The following CSMD1 variants were observed in gnomAD, a reference collection of about 807,000 sequenced individuals.
The protein encoded by CSMD1 is CUB and Sushi multiple domains 1.
A neutral mutation model predicts 417.5 loss-of-function variants in CSMD1; 213 were observed. That is an observed-to-expected ratio of 0.51 (90% CI 0.46 to 0.57). The LOEUF (loss-of-function observed/expected upper bound fraction) is 0.57, where lower values mean the gene tolerates loss of function less well. Among genes scored for constraint, CSMD1 ranks in the 20% least tolerant of loss-of-function variants. CSMD1 has a pLI of 0.00. For missense variants in CSMD1, 6,923 were observed against 4,529.7 expected (o/e 1.53, Z -15.17); for synonymous variants, 2,862 against 1,736.8 (o/e 1.65, Z -16.11).
intron 51 of CSMD1, among the ~76,000 whole-genome samples, chr8:3,019,463 T>C (rs1809165656): frequency 6.6e-6 from 1 of 152,186 alleles, no homozygotes; most frequent in Admixed American, 6.5e-5. Context: ...CAAAGTAGTG[T>C]GGTATTAAAA....
Position 3,169,299 on chromosome 8 carries a change from G to C in CSMD1, c.5726-7022C>G, listed in dbSNP as rs1217032859. 5.9e-5 allele frequency among the ~76,000 whole-genome samples: 9 copies of C among 152,002 alleles called. No homozygotes were observed. The East Asian group carries it at 1.7e-3, about 29-fold the overall frequency. On this transcript the variant is annotated intron_variant, in intron 37 of 69. Transcript: ENST00000635120. ...ATTTGGCATTGATTTTTTGATAGGA[G>C]ACCACAGTCACAGGTAACAAAAGCA...
chr8:3,333,772 A>T (rs1237249883), intron 23 of CSMD1, among the ~76,000 whole-genome samples: 1 of 152,232 alleles, frequency 6.6e-6, no homozygotes. Context: ...CTTTGACTCA[A>T]TTTCCTAAAA....
chr8:3,968,992 T>G (rs970327852), intron 5 of CSMD1, among the ~76,000 whole-genome samples: 2 of 152,200 alleles, frequency 1.3e-5, no homozygotes, highest in Admixed American at 1.3e-4. Context: ...GGCTCATACC[T>G]GTACTATCAG....
chr8:3,217,187 G>C (rs916568597), intron 29 of CSMD1, among the ~76,000 whole-genome samples: 2 of 150,776 alleles, frequency 1.3e-5, no homozygotes, highest in African/African-American at 2.4e-5. Context: ...CATCACTGTC[G>C]TGGGCTGCAT....
At chr8:3,178,872 C>T (rs559025114) in intron 37 of CSMD1, among the ~76,000 whole-genome samples, 18 of 151,824 alleles carry the variant, frequency 1.2e-4, no homozygotes, top group African/African-American at 3.9e-4. Context: ...TGGCGATTTA[C>T]ATCAACAGTC....
chr8:4,022,385 T>A (rs1585149157), intron 4 of CSMD1, among the ~76,000 whole-genome samples: 1 of 152,038 alleles, frequency 6.6e-6, no homozygotes, highest in African/African-American at 2.4e-5. Flanking sequence ...CTGTAAAAAT[T>A]ATGGGAGGAC....
At chr8:3,237,939 T>C (rs1006472840) in intron 26 of CSMD1, among the ~76,000 whole-genome samples, 25 of 147,758 alleles carry the variant, frequency 1.7e-4, no homozygotes, top group African/African-American at 6.1e-4. Context: ...TATGATATGC[T>C]ATATATTATA....
intron 20 of CSMD1, among the ~76,000 whole-genome samples, chr8:3,366,531 T>C (rs1315185356): frequency 6.6e-6 from 1 of 152,208 alleles, no homozygotes; most frequent in African/African-American, 2.4e-5. Flanking sequence ...TGGAGTATTT[T>C]TTGTCATTGC....
chr8:3,996,624 G>C (rs776110355), intron 5 of CSMD1, among the ~76,000 whole-genome samples: 7 of 152,074 alleles, frequency 4.6e-5, no homozygotes, highest in Non-Finnish European at 2.9e-5. Context: ...ATTCCTGAGT[G>C]TTTAAAGTTA....
chr8:3,823,519 T>G (rs1219369149), intron 5 of CSMD1, among the ~76,000 whole-genome samples: 1 of 152,156 alleles, frequency 6.6e-6, no homozygotes, highest in Non-Finnish European at 1.5e-5. Context: ...AAATAACATT[T>G]TGTTATAAAA....
intron 5 of CSMD1, among the ~76,000 whole-genome samples, chr8:3,974,638 G>C (rs1405795481): frequency 6.6e-6 from 1 of 151,248 alleles, no homozygotes; most frequent in East Asian, 1.9e-4. Flanking sequence ...TTAGATGAAA[G>C]AACTGTTTAA....
At chr8:3,163,992 G>C (rs1469630131) in intron 37 of CSMD1, among the ~76,000 whole-genome samples, 1 of 152,192 alleles carries the variant, frequency 6.6e-6, no homozygotes, top group Non-Finnish European at 1.5e-5. Context: ...CTGCCTGGAT[G>C]ATGGAGCCTG....
chr8:4,425,036 C>G (rs114358825), intron 2 of CSMD1, among the ~76,000 whole-genome samples: 1 of 151,864 alleles, frequency 6.6e-6, no homozygotes, highest in Non-Finnish European at 1.5e-5. Flanking sequence ...GTAAGTTGAA[C>G]AAAAACTATT....
Position 3,367,222 on chromosome 8 carries a change from A to G in CSMD1, c.2925T>C (p.Phe975=), listed in dbSNP as rs529890861. ...AATAGTCGTGGGAACTCTCAAGATG[A>G]AAGGTGTGAAAGATCATTTGAACTC... ...GKGVQMIFHT[F]HLESSHDYLL... Residue 975 remains phenylalanine, a synonymous_variant, in exon 20 of 70, where the codon TTT becomes TTC. Transcript: ENST00000635120. 1 of 1,612,622 alleles carries G rather than the reference A, an allele frequency of 6.2e-7. No individual in the cohort carries two copies.
chr8:3,709,073 G>C (rs2129040161), intron 6 of CSMD1, among the ~76,000 whole-genome samples: 1 of 151,844 alleles, frequency 6.6e-6, no homozygotes, highest in Middle Eastern at 3.4e-3. Context: ...CAGAGGTCCT[G>C]GCTTCTAGCA....
chr8:4,313,399 G>C (rs536312596), intron 3 of CSMD1, among the ~76,000 whole-genome samples: 1 of 151,184 alleles, frequency 6.6e-6, no homozygotes, highest in Non-Finnish European at 1.5e-5. Flanking sequence ...TTGAGAATGC[G>C]TTTAGTGTGA....
intron 1 of CSMD1, among the ~76,000 whole-genome samples, chr8:4,934,778 T>G (rs182468844): frequency 2.2e-4 from 34 of 152,242 alleles, no homozygotes; most frequent in African/African-American, 7.5e-4. Context: ...ATAGGTATCA[T>G]CTATCAATCA....
rs370627114 is a variant in CSMD1 at position 3,153,089 on chromosome 8, G to A, written c.5915-1576C>T. Among the ~76,000 whole-genome samples, 14 of 152,268 alleles carry A rather than the reference G, an allele frequency of 9.2e-5. No homozygotes were observed. The East Asian group carries it at 2.5e-3, about 27-fold the overall frequency. ...GAGAGAAGGTCAGTACAAAATACAG[G>A]TCACAAATACCTTGCTGACAAAACA... On this transcript the variant is annotated intron_variant, in intron 39 of 69. Coordinates refer to ENST00000635120, the MANE Select transcript of CSMD1 (RefSeq NM_033225.6).
Position 3,428,204 on chromosome 8 carries a change from C to T in CSMD1, c.1562-18599G>A, listed in dbSNP as rs145846663. Among the ~76,000 whole-genome samples the T allele has an allele frequency of 8.2e-3, 1,251 of 152,058 alleles. 16 individuals are homozygous for T. Among genetic ancestry groups the T allele is most frequent in the African/African-American group, 0.028 (1,177 of 41,474 alleles). ...GGACCTAAAAGTGATATGTGAGCTA[C>T]GTAGAATGAATTTCCTTGACTGTTA... is the stretch of plus-strand genomic sequence containing the variant. On this transcript the variant is annotated intron_variant, in intron 12 of 69. Coordinates refer to ENST00000635120, the MANE Select transcript of CSMD1 (RefSeq NM_033225.6).
Sources: allele counts gnomAD v4.1 joint callset (sites outside exome capture counted in the v4.1 genomes callset), GRCh38; gene constraint gnomAD v4.1.1; transcripts MANE v1.5; gene names NCBI Gene and HGNC (gene_info 2026-07-23, HGNC 2026-07-21).